BCOR: variants seen among roughly 807,000 people sequenced by gnomAD.
The protein encoded by BCOR is BCL-6 corepressor.
BCOR carries 10 observed loss-of-function variants against 86.7 expected under a neutral mutation model. The observed-to-expected ratio is 0.12, with a 90% CI of 0.07 to 0.20. The LOEUF is 0.20. Among genes scored for constraint, BCOR ranks in the 10% least tolerant of loss-of-function variants. The probability of loss-of-function intolerance (pLI) is 1.00; values close to 1 mark genes in which losing one functional copy is unlikely to be tolerated. For missense variants in BCOR, 1,259 were observed against 1,452.1 expected (o/e 0.87, Z 2.16); for synonymous variants, 611 against 609.0 (o/e 1.00, Z -0.05).
chrX:40,078,067 G>T, intron 1 of BCOR, 98 bp from the exon 2 acceptor site: 2 of 540,844 alleles, frequency 3.7e-6, no homozygotes, highest in Non-Finnish European at 6.4e-6. Context: ...CATAAAGGAT[G>T]CAGATGGGGA....
At chrX:40,105,328 G>A (rs1937156215) in intron 1 of BCOR, among the ~76,000 whole-genome samples, 1 of 111,310 alleles carries the variant, frequency 9.0e-6, no homozygotes, top group South Asian at 3.7e-4. Context: ...TGCTCCTCGC[G>A]GCCGCCCCGC....
rs753573208 is a variant in BCOR at position 40,074,084 on chromosome X, C to T, written c.1262G>A (p.Gly421Asp). The change falls in exon 4 of 15, where the codon GGC becomes GAC. Residue 421 changes from glycine to aspartate, a missense_variant. Around this residue, in one of 7 missense-constraint regions of BCOR, gnomAD observed 534 missense variants for 594.8 expected, o/e 0.90. Transcript: ENST00000378444. ...CTTCTCCAACAGAGGAGGTGAGCTG[C>T]CATCTTTTCTGTCTTGAACCGCTGT... The part of the protein sequence containing the change: ...RKTAVQDRKD[G>D]SSPPLLEKQT... 8.3e-7 allele frequency: 1 copy of T among 1,212,113 alleles called. No homozygotes were observed. The highest frequency in any genetic ancestry group is 3.0e-5 in the East Asian group (1 of 33,833).
intron 1 of BCOR, among the ~76,000 whole-genome samples, chrX:40,135,891 ATG>A (rs1937671204): frequency 8.9e-6 from 1 of 111,909 alleles, no homozygotes; most frequent in Non-Finnish European, 1.9e-5. Context: ...CATTTGATAT[ATG>A]TGTTTGTATA....
intron 1 of BCOR, among the ~76,000 whole-genome samples, chrX:40,115,776 CAAA>C (rs745934686): frequency 5.9e-5 from 3 of 51,090 alleles, no homozygotes; most frequent in Admixed American, 2.4e-4. Context: ...GACTGTGTCT[CAAA>C]AAAAAAAAAA....
chrX:40,087,893 TGTC>T (rs888298949), intron 1 of BCOR, among the ~76,000 whole-genome samples: 3 of 112,735 alleles, frequency 2.7e-5, no homozygotes, highest in Non-Finnish European at 5.6e-5. Context: ...CCTTGGCACT[TGTC>T]ATGTGTTTAT....
At chrX:40,131,049 G>T (rs1011740202) in intron 1 of BCOR, among the ~76,000 whole-genome samples, 11 of 111,978 alleles carry the variant, frequency 9.8e-5, no homozygotes, top group African/African-American at 3.6e-4. Context: ...CCGTGAGACA[G>T]AAGACCCACG....
At chrX:40,125,358 C>G (rs2147886261) in intron 1 of BCOR, among the ~76,000 whole-genome samples, 1 of 111,847 alleles carries the variant, frequency 8.9e-6, no homozygotes, top group African/African-American at 3.3e-5. Flanking sequence ...CTCAGCCTCC[C>G]TAGTAGCTGG....
At position 40,062,261 on chromosome X, in the gene BCOR, A is replaced by G; in HGVS notation, c.4306T>C (p.Cys1436Arg). 1 of 1,211,264 alleles carries G rather than the reference A, an allele frequency of 8.3e-7. No homozygotes were observed. The highest frequency in any genetic ancestry group is 1.1e-6 in the Non-Finnish European group (1 of 895,300). ...LPASQSTQLP[C>R]SSSPQETTQS... ...GTGGTCTCCTGAGGGGAACTTGAGC[A>G]TGGCAGCTGTGTGGACTGGGAGGCT... The change falls in exon 10 of 15, where the codon TGC (cysteine) becomes CGC (arginine). Residue 1436 changes from cysteine to arginine, a missense_variant. Transcript: ENST00000378444.
At chrX:40,111,436 G>C (rs1937310589) in intron 1 of BCOR, among the ~76,000 whole-genome samples, 1 of 112,249 alleles carries the variant, frequency 8.9e-6, no homozygotes, top group African/African-American at 3.2e-5. Context: ...AAATCAGCTA[G>C]TCATGAAGTT....
intron 1 of BCOR, among the ~76,000 whole-genome samples, chrX:40,169,434 AGT>A (rs1938573078): frequency 8.9e-6 from 1 of 111,794 alleles, no homozygotes; most frequent in Non-Finnish European, 1.9e-5. Context: ...CCAACCATTT[AGT>A]TTATCACTGT....
At chrX:40,170,694 C>T (rs1938602847) in intron 1 of BCOR, among the ~76,000 whole-genome samples, 2 of 112,093 alleles carry the variant, frequency 1.8e-5, no homozygotes, top group African/African-American at 6.5e-5. Flanking sequence ...CTTTCTTCCC[C>T]ATTAACCTCC....
At chrX:40,142,711 T>C (rs1157739873) in intron 1 of BCOR, among the ~76,000 whole-genome samples, 5 of 111,940 alleles carry the variant, frequency 4.5e-5, no homozygotes, top group Non-Finnish European at 7.5e-5. Flanking sequence ...TGTGGTGACA[T>C]AGGCCCTGTT....
chrX:40,059,859 T>TA (rs1232492375), intron 10 of BCOR, among the ~76,000 whole-genome samples: 1 of 112,813 alleles, frequency 8.9e-6, no homozygotes, highest in Non-Finnish European at 1.9e-5. Context: ...CCATCACTAC[T>TA]AAATGCACAC....
chrX:40,105,501 A>T (rs1937160903), intron 1 of BCOR, among the ~76,000 whole-genome samples: 2 of 111,741 alleles, frequency 1.8e-5, no homozygotes, highest in African/African-American at 6.5e-5. Context: ...GTAAGCCGAG[A>T]GGACCCTTCC....
intron 1 of BCOR, among the ~76,000 whole-genome samples, chrX:40,159,581 A>C (rs1488100547): frequency 9.1e-6 from 1 of 109,637 alleles, no homozygotes; most frequent in Non-Finnish European, 1.9e-5. Flanking sequence ...CGATCTCCTG[A>C]CCTCGTGATC....
chrX:40,053,833 G>A, intron 14 of BCOR, 53 bp downstream of exon 14: 3 of 1,193,318 alleles, frequency 2.5e-6, no homozygotes, highest in Non-Finnish European at 3.4e-6. Flanking sequence ...TCTAACTCCT[G>A]TCACCTCAAG....
intron 1 of BCOR, among the ~76,000 whole-genome samples, chrX:40,138,516 A>G (rs1471335194): frequency 8.9e-6 from 1 of 111,898 alleles, no homozygotes; most frequent in South Asian, 3.7e-4. Context: ...CCTAACACCT[A>G]TTAAGCACTT....
intron 10 of BCOR, among the ~76,000 whole-genome samples, chrX:40,061,341 G>A (rs1249858850): frequency 9.0e-6 from 1 of 111,585 alleles, no homozygotes; most frequent in Non-Finnish European, 1.9e-5. Context: ...GGGGGATGGG[G>A]GGAGACTGGG....
chrX:40,139,489 A>T (rs972439093), intron 1 of BCOR, among the ~76,000 whole-genome samples: 1 of 10,113 alleles, frequency 9.9e-5, no homozygotes, highest in African/African-American at 6.6e-4. Flanking sequence ...ATATATATAT[A>T]TATATATATT....
Sources: allele counts gnomAD v4.1 joint callset (sites outside exome capture counted in the v4.1 genomes callset), GRCh38; gene constraint gnomAD v4.1.1; regional missense constraint gnomAD v4.1.1; transcripts MANE v1.5; gene names NCBI Gene and HGNC (gene_info 2026-07-23, HGNC 2026-07-21).